Variants in PPP2R5E observed in about 807,000 individuals in gnomAD.
PPP2R5E encodes protein phosphatase 2 regulatory subunit B'epsilon, also known as serine/threonine-protein phosphatase 2A 56 kDa regulatory subunit epsilon isoform.
A neutral mutation model predicts 65.3 loss-of-function variants in PPP2R5E; 4 were observed. The ratio of observed to expected loss-of-function variants is 0.06; its 90% CI spans 0.03 to 0.14. The LOEUF is 0.14. Ranked by LOEUF, PPP2R5E falls within the 10% of genes least tolerant of loss-of-function variation. The probability of loss-of-function intolerance (pLI) is 1.00; values close to 1 mark genes in which losing one functional copy is unlikely to be tolerated. For synonymous variants in PPP2R5E, 183 were observed against 187.4 expected (o/e 0.98, Z 0.19); for missense variants, 274 against 556.1 (o/e 0.49, Z 5.10).
At chr14:63,378,701 T>C (rs761470301) in intron 13 of PPP2R5E, among the ~76,000 whole-genome samples, 22 of 152,218 alleles carry the variant, frequency 1.4e-4, no homozygotes, top group Non-Finnish European at 1.8e-4. Flanking sequence ...AACCACACTG[T>C]CATGCAGGGG....
At chr14:63,512,091 AAAAAAAAAAAAAAGAATCTCAGAACACT>A (rs1892483814) in intron 2 of PPP2R5E, among the ~76,000 whole-genome samples, 1 of 150,072 alleles carries the variant, frequency 6.7e-6, no homozygotes, top group African/African-American at 2.5e-5. Flanking sequence ...AAAAAAAAAA[AAAAAAAAAAAAAAGAATCTCAGAACACT>A]GAAAATAAAA....
intron 5 of PPP2R5E, among the ~76,000 whole-genome samples, chr14:63,406,973 G>A (rs1886125794): frequency 1.3e-5 from 2 of 152,176 alleles, no homozygotes; most frequent in African/African-American, 4.8e-5. Flanking sequence ...AAAGAAAACA[G>A]AGCTTAAGAA....
intron 10 of PPP2R5E, among the ~76,000 whole-genome samples, chr14:63,391,158 G>C (rs2139778145): frequency 6.6e-6 from 1 of 152,256 alleles, no homozygotes; most frequent in African/African-American, 2.4e-5. Flanking sequence ...CATCAACAAA[G>C]CTAGACAACT....
At chr14:63,418,797 G>A (rs1886841072) in intron 4 of PPP2R5E, among the ~76,000 whole-genome samples, 1 of 148,474 alleles carries the variant, frequency 6.7e-6, no homozygotes, top group Non-Finnish European at 1.5e-5. Context: ...TATTTTTAAA[G>A]ATCCCAAAAG....
intron 2 of PPP2R5E, chr14:63,479,353 C>G (rs2139588853): frequency 6.6e-6 from 1 of 152,246 alleles, no homozygotes; most frequent in East Asian, 1.9e-4. Flanking sequence ...CATCACCCCT[C>G]AAGGATCATC....
chr14:63,396,370 A>C (rs567161684), intron 6 of PPP2R5E, among the ~76,000 whole-genome samples: 47 of 88,876 alleles, frequency 5.3e-4, no homozygotes, highest in Middle Eastern at 7.7e-3. Flanking sequence ...AAGATGGGGG[A>C]GGAGAGGAGA....
intron 3 of PPP2R5E, among the ~76,000 whole-genome samples, chr14:63,450,774 C>CAA (rs111969964): frequency 1.0e-4 from 9 of 88,664 alleles, no homozygotes; most frequent in African/African-American, 3.3e-4. Flanking sequence ...TGTGAAAAGA[C>CAA]AAAAAAAAAA....
intron 2 of PPP2R5E, among the ~76,000 whole-genome samples, chr14:63,528,937 A>G (rs565194628): frequency 6.6e-6 from 1 of 152,224 alleles, no homozygotes; most frequent in Non-Finnish European, 1.5e-5. Flanking sequence ...GAGGGGAGAT[A>G]TATCAGACAA....
chr14:63,447,154 G>A (rs1888525918), intron 3 of PPP2R5E, among the ~76,000 whole-genome samples: 1 of 152,198 alleles, frequency 6.6e-6, no homozygotes, highest in South Asian at 2.1e-4. Flanking sequence ...AGTGGCATTA[G>A]TTCCTAACAA....
At chr14:63,497,016 T>TC (rs1891605363) in intron 2 of PPP2R5E, among the ~76,000 whole-genome samples, 1 of 151,682 alleles carries the variant, frequency 6.6e-6, no homozygotes, top group Non-Finnish European at 1.5e-5. Flanking sequence ...CCAGTACCCC[T>TC]CCCCCTGCCC....
At chr14:63,529,661 G>C (rs1415626702) in intron 2 of PPP2R5E, among the ~76,000 whole-genome samples, 3 of 152,180 alleles carry the variant, frequency 2.0e-5, no homozygotes, top group African/African-American at 7.2e-5. Flanking sequence ...ACAGGCGTGA[G>C]CCACTGTGCC....
At chr14:63,415,091 A>G (rs749671445) in intron 5 of PPP2R5E, 49 bp downstream of exon 5, 11 of 1,335,318 alleles carry the variant, frequency 8.2e-6, no homozygotes, top group Admixed American at 5.5e-5. Flanking sequence ...AAAATGAGAT[A>G]AAGTGTTAAC....
At chr14:63,440,680 C>T (rs10137279) in intron 3 of PPP2R5E, among the ~76,000 whole-genome samples, 44,691 of 150,848 alleles carry the variant, frequency 0.3, 8,193 homozygotes, top group African/African-American at 0.51. Flanking sequence ...GGCTCACGCC[C>T]GTAATCCCAG....
intron 13 of PPP2R5E, among the ~76,000 whole-genome samples, chr14:63,378,573 C>T (rs1884123620): frequency 6.6e-6 from 1 of 152,132 alleles, no homozygotes; most frequent in Admixed American, 6.5e-5. Flanking sequence ...TCAGTTATCA[C>T]ACGGCTTTCA....
rs1471039668 is a variant in PPP2R5E at position 63,375,748 on chromosome 14, G to A, written c.*261C>T. 2 of 244,010 alleles carry A rather than the reference G, an allele frequency of 8.2e-6. No individual in the cohort carries two copies. The highest frequency in any genetic ancestry group is 1.4e-5 in the Non-Finnish European group (2 of 141,136). The allele number at this position is 244,010 out of a possible 1,614,324, so 15.1% of individuals were successfully genotyped here. A position where few individuals can be genotyped will look rare whatever the true frequency, so the allele number is the denominator to read the frequency against. On this transcript the variant is annotated 3_prime_UTR_variant, in exon 14 of 14. Coordinates refer to ENST00000337537, the MANE Select transcript of PPP2R5E (RefSeq NM_006246.5). ...TTTCATCAACAGATCTTTGAAGACC[G>A]ATTTTTTTTTTTAAAAGAGGGTGAG... is the stretch of plus-strand genomic sequence containing the variant.
At chr14:63,424,643 C>T (rs1333735035) in intron 3 of PPP2R5E, among the ~76,000 whole-genome samples, 1 of 150,652 alleles carries the variant, frequency 6.6e-6, no homozygotes, top group African/African-American at 2.4e-5. Context: ...CCCAGCTACT[C>T]GGGAGGCTGA....
intron 2 of PPP2R5E, among the ~76,000 whole-genome samples, chr14:63,471,520 A>G (rs531278628): frequency 3.7e-4 from 56 of 152,372 alleles, no homozygotes; most frequent in Non-Finnish European, 6.5e-4. Flanking sequence ...TCATGTATAC[A>G]TAATAATAGT....
intron 2 of PPP2R5E, among the ~76,000 whole-genome samples, chr14:63,535,032 C>T (rs947494752): frequency 1.3e-5 from 2 of 152,196 alleles, no homozygotes; most frequent in Middle Eastern, 3.4e-3. Flanking sequence ...CACACAGATA[C>T]GGAAAAACCA....
Position 63,453,905 on chromosome 14 carries a change from T to G in PPP2R5E, c.158-20A>C, listed in dbSNP as rs936752029. 6.9e-7 allele frequency: 1 copy of G among 1,449,200 alleles called. No individual in the cohort carries two copies. Among genetic ancestry groups the G allele is most frequent in the African/African-American group, 1.4e-5 (1 of 69,970 alleles). The allele number at this position is 1,449,200 out of a possible 1,614,324, so 89.8% of individuals were successfully genotyped here. On this transcript the variant is annotated intron_variant, in intron 2 of 13. Transcript: ENST00000337537. ...GAACGTCTAAGAAAAAAAAAGGAAA[T>G]GGTGTAAGTCTGTCATCAATTTCCA... is the stretch of plus-strand genomic sequence containing the variant.
Sources: allele counts gnomAD v4.1 joint callset (sites outside exome capture counted in the v4.1 genomes callset), GRCh38; gene constraint gnomAD v4.1.1; transcripts MANE v1.5; gene names NCBI Gene and HGNC (gene_info 2026-07-23, HGNC 2026-07-21).